Variants in NRG3 observed in about 807,000 individuals in gnomAD.
NRG3 encodes the protein neuregulin 3.
A neutral mutation model predicts 66.9 loss-of-function variants in NRG3; 31 were observed. The ratio of observed to expected loss-of-function variants is 0.46; its 90% CI spans 0.35 to 0.63. The LOEUF (loss-of-function observed/expected upper bound fraction) is 0.63. NRG3 is among the 20% of genes least tolerant of loss of function. The pLI, the probability that NRG3 is intolerant of heterozygous loss-of-function variation, is 0.00. For missense variants in NRG3, 910 were observed against 878.9 expected (o/e 1.04, Z -0.45); for synonymous variants, 393 against 359.4 (o/e 1.09, Z -1.06).
At chr10:82,597,824 G>A (rs2047376960) in intron 2 of NRG3, among the ~76,000 whole-genome samples, 1 of 151,876 alleles carries the variant, frequency 6.6e-6, no homozygotes, top group Non-Finnish European at 1.5e-5. Flanking sequence ...GGGAGGCCGA[G>A]GCAGGAGAAT....
At chr10:82,320,948 G>T (rs1483224529) in intron 1 of NRG3, among the ~76,000 whole-genome samples, 1 of 152,144 alleles carries the variant, frequency 6.6e-6, no homozygotes, top group Non-Finnish European at 1.5e-5. Flanking sequence ...CATCCATTCT[G>T]CTGGGAGTCA....
chr10:82,516,028 A>G (rs187675085), intron 2 of NRG3, among the ~76,000 whole-genome samples: 1 of 152,316 alleles, frequency 6.6e-6, no homozygotes, highest in Non-Finnish European at 1.5e-5. Flanking sequence ...ATTCCCATGC[A>G]GGTTGGTCAA....
intron 2 of NRG3, among the ~76,000 whole-genome samples, chr10:82,619,591 T>C (rs1049706366): frequency 6.6e-6 from 1 of 152,228 alleles, no homozygotes; most frequent in African/African-American, 2.4e-5. Flanking sequence ...TATTACAGGA[T>C]AAATTGTGTT....
intron 2 of NRG3, among the ~76,000 whole-genome samples, chr10:82,423,321 T>C (rs2089207993): frequency 6.6e-6 from 1 of 151,986 alleles, no homozygotes; most frequent in Non-Finnish European, 1.5e-5. Context: ...ATTTTGTATA[T>C]ATTATCGTTA....
At chr10:81,977,038 G>T (rs1019429175) in intron 1 of NRG3, among the ~76,000 whole-genome samples, 3 of 152,136 alleles carry the variant, frequency 2.0e-5, no homozygotes, top group African/African-American at 7.2e-5. Flanking sequence ...TACAACAATG[G>T]TTATGCTACA....
At chr10:82,789,611 T>C (rs958525624) in intron 3 of NRG3, among the ~76,000 whole-genome samples, 2 of 152,062 alleles carry the variant, frequency 1.3e-5, no homozygotes, top group Non-Finnish European at 2.9e-5. Flanking sequence ...TAGCATAAAG[T>C]TGGATCATTT....
chr10:82,718,553 C>T (rs2057113173), intron 2 of NRG3, among the ~76,000 whole-genome samples: 1 of 152,186 alleles, frequency 6.6e-6, no homozygotes, highest in Non-Finnish European at 1.5e-5. Context: ...ACACAAGTCA[C>T]AACTGCAAAC....
intron 3 of NRG3, among the ~76,000 whole-genome samples, chr10:82,834,331 G>A (rs571735984): frequency 7.9e-5 from 12 of 152,220 alleles, no homozygotes; most frequent in Admixed American, 3.9e-4. Context: ...TTTCTAAGCC[G>A]TTCACTCCTG....
At chr10:82,553,648 A>C (rs1176914818) in intron 2 of NRG3, among the ~76,000 whole-genome samples, 3 of 152,126 alleles carry the variant, frequency 2.0e-5, no homozygotes, top group African/African-American at 7.2e-5. Flanking sequence ...ATGGACACTT[A>C]TTTGTTATAT....
chr10:82,948,154 A>G (rs1293089381), intron 4 of NRG3, among the ~76,000 whole-genome samples: 1 of 152,074 alleles, frequency 6.6e-6, no homozygotes, highest in Admixed American at 6.5e-5. Context: ...TATTGATGCA[A>G]TGTCATTTTT....
At chr10:82,842,668 G>A (rs1320264994) in intron 3 of NRG3, among the ~76,000 whole-genome samples, 2 of 152,096 alleles carry the variant, frequency 1.3e-5, no homozygotes, top group African/African-American at 4.8e-5. Context: ...CATGTTCCAA[G>A]GCCACAGAGA....
At chr10:82,676,537 G>A (rs1220084683) in intron 2 of NRG3, among the ~76,000 whole-genome samples, 1 of 152,026 alleles carries the variant, frequency 6.6e-6, no homozygotes, top group African/African-American at 2.4e-5. Flanking sequence ...AGGCTGGAGT[G>A]CAGTGGCACA....
At position 82,836,997 on chromosome 10, in the gene NRG3, G is replaced by GT. The variant is rs540964456; in HGVS notation, c.1028-28408dup. Among the ~76,000 whole-genome samples, 67 of 152,108 alleles carry GT rather than the reference G, an allele frequency of 4.4e-4. No individual in the cohort carries two copies. In the East Asian group the frequency reaches 7.4e-3, roughly 17 times the overall value. On this transcript the variant is annotated intron_variant, in intron 3 of 8. Coordinates refer to ENST00000372141, the MANE Select transcript of NRG3 (RefSeq NM_001010848.4). The stretch of plus-strand genomic sequence containing the variant: ...TATGAGTGAGAACATGTGGTGTTTG[G>GT]TTTTTTGTCCTTGCGATAGTTTGCT...
intron 2 of NRG3, among the ~76,000 whole-genome samples, chr10:82,548,262 C>T (rs2044064681): frequency 6.6e-6 from 1 of 152,082 alleles, no homozygotes; most frequent in Admixed American, 6.5e-5. Flanking sequence ...TTAAAAGAGA[C>T]TATTGAAAGA....
chr10:82,688,417 C>G (rs1433453570), intron 2 of NRG3, among the ~76,000 whole-genome samples: 2 of 152,068 alleles, frequency 1.3e-5, no homozygotes, highest in Non-Finnish European at 2.9e-5. Flanking sequence ...TAAAAAATCC[C>G]AGGAATTGGT....
At position 82,873,180 on chromosome 10, in the gene NRG3, C is replaced by A. The variant is rs547801843; in HGVS notation, c.1054+7743C>A. On this transcript the variant is annotated intron_variant, in intron 4 of 8. Coordinates refer to ENST00000372141, the MANE Select transcript of NRG3 (RefSeq NM_001010848.4). ...AATTTCAACAGCAAATACTGATCTG[C>A]AATACGGTGTCAGTTAAAAAATAAA... Among the ~76,000 whole-genome samples, 29 of 152,062 alleles carry A rather than the reference C, an allele frequency of 1.9e-4. 1 individual carries two copies. In the South Asian group the frequency reaches 4.6e-3, roughly 24 times the overall value.
intron 1 of NRG3, among the ~76,000 whole-genome samples, chr10:82,090,812 A>C (rs1052596820): frequency 6.6e-5 from 10 of 152,194 alleles, no homozygotes; most frequent in Non-Finnish European, 1.5e-4. Context: ...TTTGGGACTA[A>C]AAACATCCTA....
intron 4 of NRG3, among the ~76,000 whole-genome samples, chr10:82,867,657 T>C (rs1840886533): frequency 2.0e-5 from 3 of 152,100 alleles, no homozygotes; most frequent in African/African-American, 7.2e-5. Flanking sequence ...AAGTTTCAGC[T>C]AAAATAGGAG....
At chr10:82,487,246 A>G (rs1386236845) in intron 2 of NRG3, among the ~76,000 whole-genome samples, 3 of 152,020 alleles carry the variant, frequency 2.0e-5, no homozygotes, top group East Asian at 1.9e-4. Flanking sequence ...GTAAGTCAGT[A>G]TAAAAGCCAG....
Sources: allele counts gnomAD v4.1 joint callset (sites outside exome capture counted in the v4.1 genomes callset), GRCh38; gene constraint gnomAD v4.1.1; transcripts MANE v1.5; gene names NCBI Gene and HGNC (gene_info 2026-07-23, HGNC 2026-07-21).